Variants in VPS13A observed in about 807,000 individuals in gnomAD.
VPS13A encodes the protein vacuolar protein sorting 13 homolog A.
In VPS13A, 264 loss-of-function variants were observed where a neutral mutation model predicts 390.9. The ratio of observed to expected loss-of-function variants is 0.68; its 90% CI spans 0.61 to 0.75. The LOEUF (loss-of-function observed/expected upper bound fraction) is 0.75, where lower values mean the gene tolerates loss of function less well. Ranked by LOEUF, VPS13A falls within the 30% of genes least tolerant of loss-of-function variation. The pLI is 0.00. For synonymous variants in VPS13A, 1,231 were observed against 1,227.1 expected (o/e 1.00, Z -0.07); for missense variants, 3,409 against 3,733.9 (o/e 0.91, Z 2.27).
chr9:77,304,102 A>C (rs1828561974), intron 34 of VPS13A, among the ~76,000 whole-genome samples: 1 of 152,164 alleles, frequency 6.6e-6, no homozygotes, highest in Non-Finnish European at 1.5e-5. Flanking sequence ...CCCGGCTTTC[A>C]AGGGCAGAGG....
At chr9:77,397,313 T>C (rs1360189391) in intron 68 of VPS13A, among the ~76,000 whole-genome samples, 2 of 151,974 alleles carry the variant, frequency 1.3e-5, no homozygotes, top group East Asian at 3.9e-4. Flanking sequence ...TAATCCCCCA[T>C]TTTTGCTATT....
chr9:77,212,648 C>T (rs1826033987), intron 7 of VPS13A, among the ~76,000 whole-genome samples: 1 of 152,118 alleles, frequency 6.6e-6, no homozygotes, highest in Admixed American at 6.5e-5. Context: ...ACCTGCAAAT[C>T]TAAATAGCTC....
intron 17 of VPS13A, among the ~76,000 whole-genome samples, chr9:77,232,776 C>G (rs1394137261): frequency 6.6e-6 from 1 of 152,098 alleles, no homozygotes; most frequent in Non-Finnish European, 1.5e-5. Context: ...CTGGAAAAAC[C>G]TACCCTCTTG....
chr9:77,254,499 T>G (rs1012734213), intron 22 of VPS13A, among the ~76,000 whole-genome samples: 6 of 152,228 alleles, frequency 3.9e-5, no homozygotes, highest in African/African-American at 1.4e-4. Context: ...TTCTTTCGAT[T>G]GTCTTGGCTA....
At chr9:77,230,746 A>G (rs1449320278) in intron 17 of VPS13A, among the ~76,000 whole-genome samples, 1 of 152,056 alleles carries the variant, frequency 6.6e-6, no homozygotes, top group Admixed American at 6.6e-5. Context: ...TTGTCCATTT[A>G]TGCAAAAAAA....
intron 34 of VPS13A, among the ~76,000 whole-genome samples, chr9:77,306,384 C>CAGAGAG (rs5898532): frequency 0.18 from 25,184 of 142,588 alleles, 2,121 homozygotes; most frequent in Middle Eastern, 0.23. Context: ...TAGGGTTCTC[C>CAGAGAG]AGAGAGAGAG....
At chr9:77,302,729 T>C (rs948300400) in intron 33 of VPS13A, among the ~76,000 whole-genome samples, 186 bp from the exon 34 acceptor site, 3 of 152,104 alleles carry the variant, frequency 2.0e-5, no homozygotes, top group Non-Finnish European at 2.9e-5. Context: ...AGGTTTCTAG[T>C]GGGATAGAAC....
At position 77,293,718 on chromosome 9, in the gene VPS13A, T is replaced by C. The variant is rs79061111; in HGVS notation, c.3507+210T>C. ...AGGAATATTCTAATTAATTGAAATA[T>C]ATATTTCATATAGTAACATTAAGTT... On this transcript the variant is annotated intron_variant, in intron 32 of 71. Transcript: ENST00000360280. Among the ~76,000 whole-genome samples, 1,991 of 151,980 alleles carry C rather than the reference T, an allele frequency of 0.013. 46 individuals carry two copies. The highest frequency in any genetic ancestry group is 0.045 in the African/African-American group (1,876 of 41,478).
At chr9:77,357,862 C>T (rs1563956068) in intron 56 of VPS13A, 24 bp downstream of exon 56, 1 of 1,590,574 alleles carries the variant, frequency 6.3e-7, no homozygotes, top group East Asian at 2.3e-5. Context: ...AAAATATAGG[C>T]AAAATTGTAT....
At position 77,201,308 on chromosome 9, in the gene VPS13A, A is replaced by G. The variant is rs1397401630; in HGVS notation, c.145-57A>G. Reference sequence around the variant, plus strand: ...TTTTGGAAGTAAAGAGTATTCATTTATGTTGTTAAACTCTATATCTACTAA... The same window carrying G: ...TTTTGGAAGTAAAGAGTATTCATTTGTGTTGTTAAACTCTATATCTACTAA... On this transcript the variant is annotated intron_variant, in intron 2 of 71. Coordinates refer to ENST00000360280, the MANE Select transcript of VPS13A (RefSeq NM_033305.3). The G allele has an allele frequency of 2.4e-6, 3 of 1,229,836 alleles. No homozygotes were observed. In the African/African-American group the frequency reaches 4.5e-5, roughly 18 times the overall value. 76.2% of individuals were successfully genotyped at this position (1,229,836 alleles called of 1,614,324 possible).
intron 23 of VPS13A, among the ~76,000 whole-genome samples, chr9:77,261,796 G>A (rs1825778564): frequency 6.6e-6 from 1 of 152,192 alleles, no homozygotes; most frequent in South Asian, 2.1e-4. Context: ...TGTTGGCCAG[G>A]CTGGTCTTAA....
chr9:77,323,031 A>C lies in VPS13A; in HGVS notation c.5831-36A>C, dbSNP rs778649622. 7.4e-6 allele frequency: 11 copies of C among 1,488,848 alleles called. No individual in the cohort carries two copies. In the African/African-American group the frequency reaches 1.3e-4, roughly 17 times the overall value. The allele number at this position is 1,488,848 out of a possible 1,614,324, so 92.2% of individuals were successfully genotyped here. ...ATGTAAAATTAATATGTAATGAATT[A>C]TAATAAAAACTTTTAAACATACTTA... On this transcript the variant is annotated intron_variant, in intron 44 of 71. Transcript: ENST00000360280.
chr9:77,368,280 A>G, intron 62 of VPS13A, 144 bp downstream of exon 62: 2 of 726,842 alleles, frequency 2.8e-6, no homozygotes, highest in African/African-American at 1.8e-5. Context: ...CCTCAGAATT[A>G]TAAAAAGAAA....
chr9:77,275,017 T>C (rs1826564086), intron 24 of VPS13A, among the ~76,000 whole-genome samples: 1 of 152,154 alleles, frequency 6.6e-6, no homozygotes, highest in African/African-American at 2.4e-5. Context: ...TGTGTATATA[T>C]ATGTATACAA....
chr9:77,358,590 A>C (rs902773708), intron 57 of VPS13A, 152 bp downstream of exon 57: 11 of 651,456 alleles, frequency 1.7e-5, no homozygotes, highest in Non-Finnish European at 2.9e-5. Flanking sequence ...AGCAAGTACT[A>C]TACACAACTA....
chr9:77,340,572 ATATACCTCTTTGG>A, intron 50 of VPS13A, 22 bp downstream of exon 50: 1 of 1,611,502 alleles, frequency 6.2e-7, no homozygotes, highest in Non-Finnish European at 8.5e-7. Context: ...AATTTCAAAA[ATATACCTCTTTGG>A]ATTCTATTTT....
At chr9:77,306,414 TTGTGTG>T (rs60382346) in intron 34 of VPS13A, among the ~76,000 whole-genome samples, 1,577 of 140,876 alleles carry the variant, frequency 0.011, 18 homozygotes, top group African/African-American at 0.024. Context: ...GTGTGTGTGT[TTGTGTG>T]TGTGTGTGTG....
intron 9 of VPS13A, 21 bp from the exon 10 acceptor site, chr9:77,214,308 A>C: frequency 6.2e-7 from 1 of 1,605,920 alleles, no homozygotes; most frequent in South Asian, 1.1e-5. Context: ...ATATAAATAA[A>C]AGCAATTTGT....
intron 59 of VPS13A, among the ~76,000 whole-genome samples, chr9:77,363,386 A>T (rs1587662995): frequency 1.4e-5 from 2 of 139,380 alleles, no homozygotes; most frequent in South Asian, 4.5e-4. Context: ...GTTTTATTAC[A>T]TTAATTTTTT....
Sources: allele counts gnomAD v4.1 joint callset (sites outside exome capture counted in the v4.1 genomes callset), GRCh38; gene constraint gnomAD v4.1.1; transcripts MANE v1.5; gene names NCBI Gene and HGNC (gene_info 2026-07-23, HGNC 2026-07-21).